The following PKIB variants were observed in gnomAD, a reference collection of about 807,000 sequenced individuals.
PKIB encodes the protein PKI-beta.
PKIB carries 2 observed loss-of-function variants against 4.5 expected under a neutral mutation model. That is an observed-to-expected ratio of 0.44 (90% CI 0.18 to 1.39). The LOEUF (loss-of-function observed/expected upper bound fraction) is 1.39. Among genes scored for constraint, PKIB ranks in the 40% most tolerant of loss-of-function variants. The pLI is 0.27. For synonymous variants in PKIB, 38 were observed against 36.0 expected, an observed-to-expected ratio of 1.06 and a Z score of -0.20; for missense variants, 94 against 92.6, an observed-to-expected ratio of 1.02 and a Z score of -0.06.
intron 2 of PKIB, among the ~76,000 whole-genome samples, chr6:122,549,401 A>G (rs899249942): frequency 1.3e-5 from 2 of 152,162 alleles, no homozygotes; most frequent in Non-Finnish European, 2.9e-5. Flanking sequence ...TACAATTTAT[A>G]CTGTATATCT....
chr6:122,612,154 A>C (rs1482919291), intron 1 of PKIB, among the ~76,000 whole-genome samples: 1 of 152,156 alleles, frequency 6.6e-6, no homozygotes, highest in African/African-American at 2.4e-5. Flanking sequence ...TCAATGATAG[A>C]TCAATTTAAT....
At chr6:122,714,029 G>C (rs899505860) in intron 3 of PKIB, among the ~76,000 whole-genome samples, 1 of 151,790 alleles carries the variant, frequency 6.6e-6, no homozygotes, top group Non-Finnish European at 1.5e-5. Flanking sequence ...TTTTTTTCTT[G>C]TTGGGCTTTC....
At chr6:122,489,528 A>G (rs2114534730) in intron 2 of PKIB, among the ~76,000 whole-genome samples, 1 of 152,348 alleles carries the variant, frequency 6.6e-6, no homozygotes, top group East Asian at 1.9e-4. Flanking sequence ...GATTACAGGC[A>G]TGAGCCTGGC....
chr6:122,574,737 C>T (rs1272618487), intron 2 of PKIB, among the ~76,000 whole-genome samples: 1 of 152,136 alleles, frequency 6.6e-6, no homozygotes, highest in Non-Finnish European at 1.5e-5. Flanking sequence ...TCACCTTCTA[C>T]AAAAATCAAC....
intron 2 of PKIB, among the ~76,000 whole-genome samples, chr6:122,634,552 C>A (rs1170865222): frequency 6.6e-6 from 1 of 152,118 alleles, no homozygotes; most frequent in Admixed American, 6.5e-5. Context: ...TCTTCTCCCC[C>A]TCTCAGATTC....
chr6:122,480,563 A>G (rs1775584958), intron 2 of PKIB: 1 of 152,208 alleles, frequency 6.6e-6, no homozygotes, highest in African/African-American at 2.4e-5. Flanking sequence ...CAAAGGGAAT[A>G]AATTTTTTGA....
intron 2 of PKIB, among the ~76,000 whole-genome samples, chr6:122,550,805 T>C (rs558498154): frequency 2.2e-4 from 33 of 152,350 alleles, no homozygotes; most frequent in African/African-American, 7.9e-4. Flanking sequence ...TTTCCTTGTT[T>C]TGTTGGAGTA....
intron 2 of PKIB, among the ~76,000 whole-genome samples, chr6:122,544,384 T>A (rs201705516): frequency 6.6e-6 from 1 of 150,940 alleles, no homozygotes; most frequent in Non-Finnish European, 1.5e-5. Flanking sequence ...TTTTAAAAAT[T>A]AAAAAAAAAT....
At chr6:122,524,491 C>T (rs2114606634) in intron 2 of PKIB, among the ~76,000 whole-genome samples, 1 of 152,094 alleles carries the variant, frequency 6.6e-6, no homozygotes, top group Non-Finnish European at 1.5e-5. Context: ...CAGGTAATGC[C>T]TCATAGAAGA....
At chr6:122,663,568 A>G (rs1361554990) in intron 2 of PKIB, among the ~76,000 whole-genome samples, 1 of 152,104 alleles carries the variant, frequency 6.6e-6, no homozygotes, top group African/African-American at 2.4e-5. Flanking sequence ...CCTAGAGGGG[A>G]GGATCCTTCT....
chr6:122,548,540 T>G (rs991650141), intron 2 of PKIB, among the ~76,000 whole-genome samples: 11 of 152,328 alleles, frequency 7.2e-5, no homozygotes, highest in East Asian at 5.8e-4. Context: ...TTGTGAAAGT[T>G]ATACAGATCA....
intron 3 of PKIB, among the ~76,000 whole-genome samples, chr6:122,595,748 T>C (rs1469256272): frequency 1.3e-5 from 2 of 152,204 alleles, no homozygotes; most frequent in African/African-American, 4.8e-5. Context: ...TGAAAGTCCA[T>C]GTTGCTGAGT....
At chr6:122,660,117 G>A (rs1582785822) in intron 2 of PKIB, among the ~76,000 whole-genome samples, 1 of 152,196 alleles carries the variant, frequency 6.6e-6, no homozygotes, top group Admixed American at 6.5e-5. Flanking sequence ...ATTTGCAGGT[G>A]TTTTCTGAAC....
At chr6:122,480,538 G>C (rs1360123268) in intron 2 of PKIB, 2 of 152,094 alleles carry the variant, frequency 1.3e-5, no homozygotes, top group Non-Finnish European at 2.9e-5. Flanking sequence ...TTCTATTCAA[G>C]TTATTTACTT....
At chr6:122,507,764 A>G (rs967072591) in intron 2 of PKIB, among the ~76,000 whole-genome samples, 29 of 151,820 alleles carry the variant, frequency 1.9e-4, no homozygotes, top group African/African-American at 7.0e-4. Context: ...GGAAATACAA[A>G]CAAACCCTCT....
intron 2 of PKIB, among the ~76,000 whole-genome samples, chr6:122,565,457 G>C (rs1773160318): frequency 6.6e-6 from 1 of 152,170 alleles, no homozygotes; most frequent in Non-Finnish European, 1.5e-5. Context: ...TATAAATCAA[G>C]GTTGTATTTT....
rs571885258 is a variant in PKIB, at chr6:122,655,304, G to T, written c.-75-19774G>T. Among the ~76,000 whole-genome samples the T allele has an allele frequency of 2.0e-5, 3 of 152,302 alleles. No individual in the cohort carries two copies. The East Asian group carries it at 5.8e-4, about 29-fold the overall frequency. ...CCTCTCCACCTAAAAATGTTTATAT[G>T]TTGAAATCATAAATACCAAGGTGAT... On this transcript the variant is annotated intron_variant, in intron 2 of 4. Coordinates refer to ENST00000368452, the MANE Select transcript of PKIB (RefSeq NM_181795.3).
At position 122,538,675 on chromosome 6, in the gene PKIB, T is replaced by A. The variant is rs1777486795; in HGVS notation, c.-247-47246T>A. ...TTGGCAATGCAGGCTCTTTTTTGGTTCCATATGAACTTTAAAGTAGTTTTT... is the reference window on the plus strand; with the variant it reads ...TTGGCAATGCAGGCTCTTTTTTGGTACCATATGAACTTTAAAGTAGTTTTT... On this transcript the variant is annotated intron_variant, in intron 2 of 6. Transcript: ENST00000392491. Among the ~76,000 whole-genome samples the A allele has an allele frequency of 2.6e-5, 4 of 152,182 alleles. No homozygotes were observed. The South Asian group carries it at 8.3e-4, about 32-fold the overall frequency.
chr6:122,636,403 A>G lies in PKIB; in HGVS notation c.-76+3036A>G, dbSNP rs1014138235. Among the ~76,000 whole-genome samples the G allele has an allele frequency of 2.0e-5, 3 of 152,102 alleles. No homozygotes were observed. In the East Asian group the frequency reaches 5.8e-4, roughly 29 times the overall value. ...TGTGTAAAAATCAGTTGATTTTTCT[A>G]TGACAGCAACAAATAAAAAACATTT... On this transcript the variant is annotated intron_variant, in intron 2 of 4. Transcript: ENST00000368452.
Sources: gnomAD v4.1 joint callset for allele counts (sites outside exome capture counted in the v4.1 genomes callset) on GRCh38, gnomAD v4.1.1 for gene constraint, MANE v1.5 for transcripts, NCBI Gene and HGNC (gene_info 2026-07-23, HGNC 2026-07-21) for gene names.